Variants in KCNJ14 observed in about 807,000 individuals in gnomAD.
KCNJ14 encodes the protein ATP-sensitive inward rectifier potassium channel 14.
Under a neutral mutation model 24.5 loss-of-function variants are expected in KCNJ14, and 18 were observed. The ratio of observed to expected loss-of-function variants is 0.74; its 90% confidence interval spans 0.51 to 1.09. The LOEUF (loss-of-function observed/expected upper bound fraction) is 1.09. KCNJ14 is among the 50% of genes least tolerant of loss of function. KCNJ14 has a pLI of 0.00. For missense variants in KCNJ14, 633 were observed against 623.0 expected, an observed-to-expected ratio of 1.02 and a Z score of -0.17; for synonymous variants, 288 against 270.8, an observed-to-expected ratio of 1.06 and a Z score of -0.63.
chr19:48,464,335 C>A lies in KCNJ14; in HGVS notation c.869C>A (p.Ala290Asp). Reference sequence around the variant, plus strand: ...AGTCCTCTGTATGAGCTAGGACGTGCCGAGCTGGCCAGGGCTGACTTTGAG... The same window carrying A: ...AGTCCTCTGTATGAGCTAGGACGTGACGAGCTGGCCAGGGCTGACTTTGAG... ...SASPLYELGR[A>D]ELARADFELV... The change falls in exon 3 of 3, where the codon GCC becomes GAC. Residue 290 changes from alanine (A) to aspartate (D), a missense_variant. By Grantham distance (126) the Ala-to-Asp change is moderately radical. Transcript: ENST00000342291. 1.2e-6 allele frequency: 2 copies of A among 1,613,380 alleles called. No homozygotes were observed. Among genetic ancestry groups the A allele is most frequent in the Non-Finnish European group, 1.7e-6 (2 of 1,179,662 alleles).
rs1601013617 is a variant in KCNJ14, at chr19:48,464,790, T to TCCCCTTCCCCGTGTATGC, written c.*24_*41dup. ...CCTGCCTCCATGATGCAAACTGATG[T>TCCCCTTCCCCGTGTATGC]CCCCTTCCCCGTGTATGCCCCCTTC... On this transcript the variant is annotated 3_prime_UTR_variant, in exon 3 of 3. Transcript: ENST00000342291. 6.4e-7 allele frequency: 1 copy of TCCCCTTCCCCGTGTATGC among 1,573,942 alleles called. No homozygotes were observed. Among genetic ancestry groups the TCCCCTTCCCCGTGTATGC allele is most frequent in the Non-Finnish European group, 8.6e-7 (1 of 1,156,710 alleles).
intron 1 of KCNJ14, 163 bp downstream of exon 1, chr19:48,456,021 C>G (rs28709275): frequency 0.092 from 14,053 of 152,334 alleles, 1,308 homozygotes; most frequent in African/African-American, 0.24. Flanking sequence ...GGGAGGCTAG[C>G]TTTTGCCACT....
At position 48,464,819 on chromosome 19, in the gene KCNJ14, A is replaced by T; in HGVS notation, c.*42A>T. On this transcript the variant is annotated 3_prime_UTR_variant, in exon 3 of 3. Transcript: ENST00000342291. ...CTTCCCCGTGTATGCCCCCTTCCCC[A>T]AGGTAGCAAGATGGAGGGATGGGGC... 7.0e-7 allele frequency: 1 copy of T among 1,425,614 alleles called. No homozygotes were observed. The highest frequency in any genetic ancestry group is 9.7e-7 in the Non-Finnish European group (1 of 1,029,638). 88.3% of individuals were successfully genotyped at this position (1,425,614 alleles called of 1,614,324 possible).
Position 48,455,764 on chromosome 19 carries a change from C to G in KCNJ14, c.-150C>G, listed in dbSNP as rs184790733. On this transcript the variant is annotated 5_prime_UTR_variant, in exon 1 of 3. Coordinates refer to ENST00000342291, the MANE Select transcript of KCNJ14 (RefSeq NM_013348.4). ...CCAACCAGCATTCCCCCTGGCACTGCGGGGGCCTGGCCAGCTCATGGCGTT... is the reference window on the plus strand; with the variant it reads ...CCAACCAGCATTCCCCCTGGCACTGGGGGGGCCTGGCCAGCTCATGGCGTT... The G allele has an allele frequency of 6.6e-6, 1 of 152,260 alleles. No homozygotes were observed. Among genetic ancestry groups the G allele is most frequent in the Non-Finnish European group, 1.5e-5 (1 of 68,086 alleles). 9.4% of individuals were successfully genotyped at this position (152,260 alleles called of 1,614,324 possible).
intron 2 of KCNJ14, among the ~76,000 whole-genome samples, chr19:48,463,229 A>G (rs1160649538): frequency 6.6e-6 from 1 of 152,110 alleles, no homozygotes; most frequent in Non-Finnish European, 1.5e-5. Flanking sequence ...CCGTGGCCCA[A>G]GTAAAGTGAC....
rs148307105 is a variant in KCNJ14, at chr19:48,461,599, G to GA, written c.-55-68dup. ...CAGATGAGGCCACTAAGCCCCACCA[G>GA]AAAGCATGCTTGGCCGATGAGCTCA... is the stretch of plus-strand genomic sequence containing the variant. On this transcript the variant is annotated intron_variant, in intron 1 of 2. Coordinates refer to ENST00000342291, the MANE Select transcript of KCNJ14 (RefSeq NM_013348.4). 5.6e-3 allele frequency: 2,674 copies of GA among 473,882 alleles called. 59 individuals carry two copies. The highest frequency in any genetic ancestry group is 0.052 in the African/African-American group (2,454 of 46,758). The allele number at this position is 473,882 out of a possible 1,614,324, so 29.4% of individuals were successfully genotyped here.
Position 48,462,124 on chromosome 19 carries a change from T to C in KCNJ14, c.400T>C (p.Phe134Leu). The change falls in exon 2 of 3, where the codon TTC becomes CTC. Residue 134 changes from phenylalanine to leucine, a missense_variant. Physicochemically the swap from Phe to Leu is conservative, Grantham distance 22. Transcript: ENST00000342291. The surrounding 1 kb of genome is among the most constrained non-coding windows in gnomAD (Gnocchi z 4.9). Reference protein sequence around the residue: ...PAPCFSHVASFLAAFLFALET... With the variant: ...PAPCFSHVASLLAAFLFALET... Reference sequence around the variant, plus strand: ...GCCCTGCTTCTCACACGTGGCCAGCTTCCTGGCCGCCTTCCTCTTCGCGCT... The same window carrying C: ...GCCCTGCTTCTCACACGTGGCCAGCCTCCTGGCCGCCTTCCTCTTCGCGCT... 3 of 1,597,722 alleles carry C rather than the reference T, an allele frequency of 1.9e-6. No homozygotes were observed. Among genetic ancestry groups the C allele is most frequent in the Non-Finnish European group, 2.6e-6 (3 of 1,173,486 alleles).
rs765484709 is a variant in KCNJ14 at position 48,461,854 on chromosome 19, C to T, written c.130C>T (p.Pro44Ser). Residue 44 changes from proline to serine, a missense_variant, in exon 2 of 3, where the codon CCC (proline) becomes TCC (serine). Coordinates refer to ENST00000342291, the MANE Select transcript of KCNJ14 (RefSeq NM_013348.4). ...GTGGGCGCCGGCACCGGTGCAGTCA[C>T]CCGTGGGCCGGCGCCGCGGTCGCTT... is the stretch of plus-strand genomic sequence containing the variant. ...NGWAPAPVQS[P>S]VGRRRGRFVK... is the part of the protein sequence containing the mutation. 9.0e-6 allele frequency: 14 copies of T among 1,557,542 alleles called. No homozygotes were observed. The highest frequency in any genetic ancestry group is 1.7e-4 in the Middle Eastern group (1 of 5,816).
At chr19:48,457,684 AT>A (rs577622960) in intron 1 of KCNJ14, among the ~76,000 whole-genome samples, 3,473 of 148,396 alleles carry the variant, frequency 0.023, 118 homozygotes, top group African/African-American at 0.073. Context: ...ATCACAATTA[AT>A]TTTTTTTTTT....
chr19:48,458,347 CTTG>C (rs914040657), intron 1 of KCNJ14, among the ~76,000 whole-genome samples: 3 of 152,176 alleles, frequency 2.0e-5, no homozygotes, highest in South Asian at 4.1e-4. Flanking sequence ...CTCGCCAACA[CTTG>C]TTTTTTTTAT....
intron 1 of KCNJ14, among the ~76,000 whole-genome samples, chr19:48,459,346 T>C (rs1216389123): frequency 6.6e-6 from 1 of 152,046 alleles, no homozygotes; most frequent in Non-Finnish European, 1.5e-5. Flanking sequence ...ATCAGGTATA[T>C]GATTTGCAAC....
chr19:48,464,537 G>T lies in KCNJ14; in HGVS notation c.1071G>T (p.Gly357=), dbSNP rs150484317. 1.2e-6 allele frequency: 2 copies of T among 1,614,168 alleles called. No individual in the cohort carries two copies. Among genetic ancestry groups the T allele is most frequent in the Non-Finnish European group, 1.7e-6 (2 of 1,180,036 alleles). The change falls in exon 3 of 3, where the codon GGG becomes GGT. Residue 357 remains glycine, a synonymous_variant. Transcript: ENST00000342291. ...RHFHRTYEVP[G]TPVCSAKELD... ...TCCATCGCACTTATGAGGTCCCAGG[G>T]ACACCGGTCTGCAGTGCTAAGGAGC... is the stretch of plus-strand genomic sequence containing the variant.
In KCNJ14 at chr19:48,464,682, G is replaced by A. The variant is rs139453142; in HGVS notation, c.1216G>A (p.Asp406Asn). 5.1e-4 allele frequency: 816 copies of A among 1,613,892 alleles called. 5 individuals carry two copies. In the African/African-American group the frequency reaches 9.2e-3, roughly 18 times the overall value. ...LSCCQEEDED[D>N]ETEEGNGVET... ...CTGCTGCCAGGAGGAAGATGAGGACGATGAGACTGAGGAAGGGAATGGGGT... is the reference window on the plus strand; with the variant it reads ...CTGCTGCCAGGAGGAAGATGAGGACAATGAGACTGAGGAAGGGAATGGGGT... Residue 406 changes from aspartate (D) to asparagine (N), a missense_variant, in exon 3 of 3, where the codon GAT becomes AAT. Physicochemically the swap from Asp to Asn is conservative, Grantham distance 23. Coordinates refer to ENST00000342291, the MANE Select transcript of KCNJ14 (RefSeq NM_013348.4).
intron 1 of KCNJ14, 120 bp from the exon 2 acceptor site, chr19:48,461,550 A>AAAAAAAAAAAAAAAAAT: frequency 5.7e-6 from 2 of 349,960 alleles, no homozygotes; most frequent in African/African-American, 3.1e-5. Context: ...AAAAAAAAAA[A>AAAAAAAAAAAAAAAAAT]TGCGTATCGT....
intron 2 of KCNJ14, 116 bp from the exon 3 acceptor site, chr19:48,464,064 CT>C: frequency 1.3e-6 from 1 of 756,430 alleles, no homozygotes; most frequent in East Asian, 2.5e-5. Flanking sequence ...TGTTCTCACC[CT>C]TTTCTTCACT....
intron 1 of KCNJ14, chr19:48,456,383 CAG>C (rs1410530805): frequency 6.6e-6 from 1 of 152,300 alleles, no homozygotes; most frequent in Non-Finnish European, 1.5e-5. Flanking sequence ...GCAGGGTTGT[CAG>C]GGGTGAGATA....
chr19:48,464,271 G>C lies in KCNJ14; in HGVS notation c.805G>C (p.Val269Leu), dbSNP rs374178623. The C allele has an allele frequency of 3.1e-6, 5 of 1,613,968 alleles. No individual in the cohort carries two copies. Among genetic ancestry groups the C allele is most frequent in the Non-Finnish European group, 4.2e-6 (5 of 1,179,990 alleles). ...TGGAGGCACCGATCGTATCTTCCTC[G>C]TGTCCCCCATCACCATCGTCCATGA... ...FDGGTDRIFL[V>L]SPITIVHEID... Residue 269 changes from valine (V) to leucine (L), a missense_variant, in exon 3 of 3, where the codon GTG (valine) becomes CTG (leucine). Val to Leu is a conservative substitution (Grantham distance 32). Transcript: ENST00000342291.
chr19:48,460,165 G>A (rs760021494), intron 1 of KCNJ14, among the ~76,000 whole-genome samples: 2 of 152,120 alleles, frequency 1.3e-5, no homozygotes, highest in African/African-American at 2.4e-5. Context: ...TACACCTTAC[G>A]ATTATGAGCA....
rs1601011750 is a variant in KCNJ14, at chr19:48,462,227, T to C, written c.503T>C (p.Leu168Pro). ...ECPAAVAAVV[L>P]QCIAGCVLDA... Reference sequence around the variant, plus strand: ...CCGGCCGCTGTGGCCGCCGTGGTGCTGCAGTGCATTGCCGGCTGCGTGCTC... The same window carrying C: ...CCGGCCGCTGTGGCCGCCGTGGTGCCGCAGTGCATTGCCGGCTGCGTGCTC... Residue 168 changes from leucine to proline, a missense_variant, in exon 2 of 3, where the codon CTG becomes CCG. Coordinates refer to ENST00000342291, the MANE Select transcript of KCNJ14 (RefSeq NM_013348.4). This position sits in a 1 kb window ranked among gnomAD's most constrained non-coding sequence, Gnocchi z 4.9. The C allele has an allele frequency of 6.5e-7, 1 of 1,550,356 alleles. No homozygotes were observed. The highest frequency in any genetic ancestry group is 2.4e-5 in the East Asian group (1 of 41,168).
Sources: gnomAD v4.1 joint callset for allele counts (sites outside exome capture counted in the v4.1 genomes callset) on GRCh38, gnomAD v4.1.1 for gene constraint, Gnocchi (gnomAD v3.1) non-coding constraint, MANE v1.5 for transcripts, NCBI Gene and HGNC (gene_info 2026-07-23, HGNC 2026-07-21) for gene names.